The following RIN3 variants were observed in gnomAD, a reference collection of about 807,000 sequenced individuals.
The protein encoded by RIN3 is RAB5 interacting protein 3.
RIN3 carries 54 observed loss-of-function variants against 76.3 expected under a neutral mutation model. That is an observed-to-expected ratio of 0.71 (90% CI 0.57 to 0.89). The LOEUF is 0.89. Ranked by LOEUF, RIN3 falls within the 40% of genes least tolerant of loss-of-function variation. The pLI is 0.00. For synonymous variants in RIN3, 576 were observed against 564.0 expected (o/e 1.02, Z -0.30); for missense variants, 1,256 against 1,322.1 (o/e 0.95, Z 0.78).
intron 6 of RIN3, among the ~76,000 whole-genome samples, chr14:92,658,372 G>A (rs114087379): frequency 0.041 from 6,175 of 152,328 alleles, 355 homozygotes; most frequent in African/African-American, 0.13. Context: ...CTGGCAGTTG[G>A]CAGAGCAGCC....
chr14:92,688,221 G>T lies in RIN3; in HGVS notation c.2927G>T (p.Cys976Phe). ...GGCGGCGGCGGCGGGAGCCCGCCCT[G>T]CCTGGTGGTGCGGGAGCCCAACTTC... Reference protein sequence around the residue: ...GGGGGGGSPPCLVVREPNFL With the variant: ...GGGGGGGSPPFLVVREPNFL Residue 976 changes from cysteine (C) to phenylalanine (F), a missense_variant, in exon 10 of 10, where the codon TGC (cysteine) becomes TTC (phenylalanine). Cys to Phe is a radical substitution (Grantham distance 205). Around this residue, in one of 3 missense-constraint regions of RIN3, gnomAD observed 218 missense variants for 174.5 expected, o/e 1.25. Coordinates refer to ENST00000216487, the MANE Select transcript of RIN3 (RefSeq NM_024832.5). 3.8e-6 allele frequency: 6 copies of T among 1,599,662 alleles called. No individual in the cohort carries two copies. Among genetic ancestry groups the T allele is most frequent in the South Asian group, 1.1e-5 (1 of 90,362 alleles).
chr14:92,578,348 C>T (rs1898322719), intron 3 of RIN3, among the ~76,000 whole-genome samples: 1 of 152,118 alleles, frequency 6.6e-6, no homozygotes, highest in African/African-American at 2.4e-5. Context: ...GACCCCCTCT[C>T]TAGGGCGGGT....
At chr14:92,536,352 C>T (rs560615586) in intron 1 of RIN3, among the ~76,000 whole-genome samples, 8 of 152,278 alleles carry the variant, frequency 5.3e-5, no homozygotes, top group South Asian at 2.1e-4. Context: ...TCTCTCCATT[C>T]GCCTATTGTG....
chr14:92,524,553 C>T (rs1566826545), intron 1 of RIN3, among the ~76,000 whole-genome samples: 1 of 152,234 alleles, frequency 6.6e-6, no homozygotes, highest in Non-Finnish European at 1.5e-5. Flanking sequence ...ATAAGAGGCC[C>T]CAAGAATGGC....
intron 4 of RIN3, among the ~76,000 whole-genome samples, chr14:92,635,578 G>A (rs983436537): frequency 8.5e-5 from 13 of 152,160 alleles, no homozygotes; most frequent in African/African-American, 2.7e-4. Context: ...GAGGCTGGGC[G>A]TGGCGGCTCA....
intron 4 of RIN3, among the ~76,000 whole-genome samples, chr14:92,617,142 T>A (rs936768925): frequency 6.6e-6 from 1 of 152,000 alleles, no homozygotes; most frequent in East Asian, 1.9e-4. Context: ...CTACTAAAAA[T>A]ACCAAAAATT....
intron 1 of RIN3, among the ~76,000 whole-genome samples, chr14:92,545,582 CTTT>C (rs11324822): frequency 3.4e-4 from 39 of 114,696 alleles, no homozygotes; most frequent in Non-Finnish European, 4.2e-4. Context: ...TTTTCTTTTT[CTTT>C]TTTTTTTTTT....
chr14:92,663,530 C>A (rs1366421545), intron 7 of RIN3, among the ~76,000 whole-genome samples: 1 of 152,214 alleles, frequency 6.6e-6, no homozygotes, highest in Non-Finnish European at 1.5e-5. Context: ...GGGTCTCCCC[C>A]AGAAACCAGT....
chr14:92,683,259 A>G (rs1888732620), intron 8 of RIN3, among the ~76,000 whole-genome samples: 1 of 152,156 alleles, frequency 6.6e-6, no homozygotes, highest in African/African-American at 2.4e-5. Flanking sequence ...AGGAAGCACC[A>G]TGGAGGTGGG....
chr14:92,542,568 T>C (rs1207417442), intron 1 of RIN3, among the ~76,000 whole-genome samples: 3 of 152,210 alleles, frequency 2.0e-5, no homozygotes, highest in African/African-American at 4.8e-5. Flanking sequence ...CACACCTAGA[T>C]ATACACCCAA....
intron 4 of RIN3, among the ~76,000 whole-genome samples, chr14:92,634,022 C>T (rs1215932693): frequency 6.6e-6 from 1 of 151,690 alleles, no homozygotes; most frequent in Non-Finnish European, 1.5e-5. Flanking sequence ...ACAAGCTGAC[C>T]CTCCAGAGTG....
At chr14:92,650,435 C>T (rs879868708) in intron 5 of RIN3, among the ~76,000 whole-genome samples, 3 of 152,334 alleles carry the variant, frequency 2.0e-5, no homozygotes, top group South Asian at 4.1e-4. Context: ...GCAGCAAGAA[C>T]GCCATGGATG....
At chr14:92,676,417 G>A (rs1888463256) in intron 7 of RIN3, 58 bp from the exon 8 acceptor site, 2 of 1,593,016 alleles carry the variant, frequency 1.3e-6, no homozygotes, top group Non-Finnish European at 8.6e-7. Flanking sequence ...CCTGGGCAGA[G>A]AGCATCTCAC....
At position 92,688,365 on chromosome 14, in the gene RIN3, C is replaced by A; in HGVS notation, c.*113C>A. ...CAGAGGGACATGGGCCATTCCATGACGTGCCCAGGCCAACGTCGCAGGACA... is the reference window on the plus strand; with the variant it reads ...CAGAGGGACATGGGCCATTCCATGAAGTGCCCAGGCCAACGTCGCAGGACA... On this transcript the variant is annotated 3_prime_UTR_variant, in exon 10 of 10. Transcript: ENST00000216487. 1 of 1,025,204 alleles carries A rather than the reference C, an allele frequency of 9.8e-7. No homozygotes were observed. The highest frequency in any genetic ancestry group is 1.7e-5 in the South Asian group (1 of 58,668). The allele number at this position is 1,025,204 out of a possible 1,614,324, so 63.5% of individuals were successfully genotyped here.
chr14:92,677,650 A>G (rs998225497), intron 8 of RIN3, among the ~76,000 whole-genome samples: 2 of 151,980 alleles, frequency 1.3e-5, no homozygotes, highest in Non-Finnish European at 2.9e-5. Context: ...ATGTCCTGTA[A>G]TGGGAACAAG....
chr14:92,609,831 G>A (rs1053335317), intron 3 of RIN3, among the ~76,000 whole-genome samples: 1 of 150,472 alleles, frequency 6.6e-6, no homozygotes, highest in Non-Finnish European at 1.5e-5. Context: ...AATGCAGGAA[G>A]TGAAATTCAG....
intron 1 of RIN3, among the ~76,000 whole-genome samples, chr14:92,532,754 G>A (rs1031218694): frequency 1.3e-5 from 2 of 152,220 alleles, no homozygotes; most frequent in Non-Finnish European, 2.9e-5. Context: ...TAGAGGAAGG[G>A]TGGTCTCCTC....
intron 1 of RIN3, among the ~76,000 whole-genome samples, chr14:92,537,841 A>ATT (rs767533245): frequency 3.2e-5 from 3 of 93,262 alleles, no homozygotes; most frequent in South Asian, 3.5e-4. Flanking sequence ...TATTTTATTT[A>ATT]TTTTTTTTTT....
At chr14:92,676,990 C>T (rs922537675) in intron 8 of RIN3, among the ~76,000 whole-genome samples, 1 of 151,884 alleles carries the variant, frequency 6.6e-6, no homozygotes, top group Non-Finnish European at 1.5e-5. Flanking sequence ...GTCTTTGTAG[C>T]GGGAACAGCA....
Sources: gnomAD v4.1 joint callset for allele counts (sites outside exome capture counted in the v4.1 genomes callset) on GRCh38, gnomAD v4.1.1 for gene constraint, gnomAD v4.1.1 regional missense constraint, MANE v1.5 for transcripts, NCBI Gene and HGNC (gene_info 2026-07-23, HGNC 2026-07-21) for gene names.